The following PKHD1 variants were observed in gnomAD, a reference collection of about 807,000 sequenced individuals.
The protein encoded by PKHD1 is PKHD1 ciliary IPT domain containing fibrocystin/polyductin, also known as fibrocystin.
Under a neutral mutation model 412.0 loss-of-function variants are expected in PKHD1, and 291 were observed. The ratio of observed to expected loss-of-function variants is 0.71; its 90% confidence interval spans 0.64 to 0.78. The LOEUF (loss-of-function observed/expected upper bound fraction) is 0.78. Ranked by LOEUF, PKHD1 falls within the 30% of genes least tolerant of loss-of-function variation. The probability of loss-of-function intolerance (pLI) is 0.00; values close to 1 mark genes in which losing one functional copy is unlikely to be tolerated. For synonymous variants in PKHD1, 1,777 were observed against 1,821.5 expected (o/e 0.98, Z 0.62); for missense variants, 4,825 against 4,950.7 (o/e 0.97, Z 0.76).
rs776975358 is a variant in PKHD1, at chr6:51,659,769, A to C, written c.10357T>G (p.Ser3453Ala). ...GAATAGAAAGTAGACACTGACCCAG[A>C]AGTAGAGCAGGGAATATTGGCATTT... ...SVNANIPCST[S>A]GSVSTFYSIL... is the part of the protein sequence containing the mutation. Residue 3453 changes from serine (S) to alanine (A), a missense_variant, in exon 61 of 67, where the codon TCT becomes GCT. Transcript: ENST00000371117. 6.2e-7 allele frequency: 1 copy of C among 1,613,638 alleles called. No homozygotes were observed. The highest frequency in any genetic ancestry group is 1.3e-5 in the African/African-American group (1 of 75,024).
intron 48 of PKHD1, among the ~76,000 whole-genome samples, chr6:51,864,429 G>A (rs151328691): frequency 7.2e-4 from 109 of 152,282 alleles, no homozygotes; most frequent in African/African-American, 2.3e-3. Flanking sequence ...TGGTAGCCCA[G>A]ACTGGAGAAG....
At chr6:51,934,407 C>T in intron 36 of PKHD1, 85 bp from the exon 37 acceptor site, 1 of 825,186 alleles carries the variant, frequency 1.2e-6, no homozygotes, top group Non-Finnish European at 2.1e-6. Flanking sequence ...AAATCCCCTT[C>T]ATTTAAATAC....
intron 43 of PKHD1, among the ~76,000 whole-genome samples, chr6:51,892,589 G>C (rs1779283246): frequency 1.3e-5 from 2 of 152,138 alleles, no homozygotes; most frequent in Non-Finnish European, 2.9e-5. Flanking sequence ...GTCTACACTA[G>C]AGTCACATAT....
chr6:51,745,904 C>A (rs1346282564), intron 59 of PKHD1, among the ~76,000 whole-genome samples: 1 of 152,078 alleles, frequency 6.6e-6, no homozygotes, highest in Non-Finnish European at 1.5e-5. Flanking sequence ...TGTTTAGGTA[C>A]CTAATCATGA....
chr6:51,703,294 A>G (rs979187891), intron 60 of PKHD1, among the ~76,000 whole-genome samples: 2 of 152,020 alleles, frequency 1.3e-5, no homozygotes, highest in African/African-American at 4.8e-5. Context: ...ATATATTAAT[A>G]GCTTTATAGT....
chr6:52,050,635 T>C (rs1257853349), intron 21 of PKHD1, among the ~76,000 whole-genome samples: 1 of 152,194 alleles, frequency 6.6e-6, no homozygotes, highest in Non-Finnish European at 1.5e-5. Flanking sequence ...CACCCTTTCC[T>C]CCTTTCCTTC....
chr6:51,802,337 A>G (rs1763059631), intron 52 of PKHD1, among the ~76,000 whole-genome samples: 2 of 151,726 alleles, frequency 1.3e-5, no homozygotes, highest in South Asian at 2.1e-4. Context: ...TTTAGGTCTG[A>G]TGTTAAACTA....
chr6:51,976,568 G>A (rs1048668287), intron 35 of PKHD1, among the ~76,000 whole-genome samples: 44 of 152,278 alleles, frequency 2.9e-4, no homozygotes, highest in African/African-American at 8.2e-4. Context: ...TGCTCGTGAC[G>A]GTTACGCAAC....
At chr6:51,946,599 C>A (rs1033919661) in intron 36 of PKHD1, among the ~76,000 whole-genome samples, 2 of 152,184 alleles carry the variant, frequency 1.3e-5, no homozygotes, top group African/African-American at 4.8e-5. Context: ...TTTCTAAATG[C>A]TGAAATAAAG....
At chr6:52,051,954 A>C (rs1806920209) in intron 21 of PKHD1, among the ~76,000 whole-genome samples, 1 of 152,170 alleles carries the variant, frequency 6.6e-6, no homozygotes, top group South Asian at 2.1e-4. Flanking sequence ...AGATGTCCCC[A>C]AAACACTTAA....
At chr6:51,834,540 TAACTC>T (rs1171569565) in intron 51 of PKHD1, among the ~76,000 whole-genome samples, 7 of 152,130 alleles carry the variant, frequency 4.6e-5, no homozygotes, top group Non-Finnish European at 7.4e-5. Flanking sequence ...ATAGATGTGT[TAACTC>T]ATTCATTCAT....
At chr6:51,660,279 C>T (rs1353796120) in intron 60 of PKHD1, among the ~76,000 whole-genome samples, 1 of 151,914 alleles carries the variant, frequency 6.6e-6, no homozygotes, top group African/African-American at 2.4e-5. Context: ...ATTAAGGGCC[C>T]TTGAGAGAAA....
At chr6:51,627,489 T>G (rs1767404959) in intron 65 of PKHD1, among the ~76,000 whole-genome samples, 2 of 151,922 alleles carry the variant, frequency 1.3e-5, no homozygotes, top group Non-Finnish European at 2.9e-5. Context: ...TATATTATGT[T>G]AAATGGCTAC....
chr6:51,731,533 C>G (rs976168629), intron 60 of PKHD1, among the ~76,000 whole-genome samples: 1 of 152,104 alleles, frequency 6.6e-6, no homozygotes, highest in Non-Finnish European at 1.5e-5. Context: ...TCTAGACAAG[C>G]TTTGTTTTTT....
At chr6:52,052,372 G>T (rs763756513) in intron 21 of PKHD1, among the ~76,000 whole-genome samples, 1 of 152,214 alleles carries the variant, frequency 6.6e-6, no homozygotes, top group Admixed American at 6.5e-5. Context: ...CAAGAGCCAG[G>T]TGAGACCACT....
chr6:51,975,967 A>AG (rs1562030806), intron 35 of PKHD1: 1 of 141,184 alleles, frequency 7.1e-6, no homozygotes, highest in Non-Finnish European at 1.5e-5. Context: ...TCTAATTAAA[A>AG]AAAAAAAAAA....
At position 52,042,208 on chromosome 6, in the gene PKHD1, GA is replaced by G. The variant is rs1252604508; in HGVS notation, c.3097+650del. Among the ~76,000 whole-genome samples the G allele has an allele frequency of 2.0e-5, 3 of 152,166 alleles. No homozygotes were observed. In the East Asian group the frequency reaches 5.8e-4, roughly 29 times the overall value. On this transcript the variant is annotated intron_variant, in intron 27 of 66. Transcript: ENST00000371117. The stretch of plus-strand genomic sequence containing the variant: ...CACTCTTCTAGGCAAAATAGGGTCA[GA>G]AAAAAATCTGTTCTTTTGAACAATG...
chr6:51,718,286 G>T lies in PKHD1; in HGVS notation c.10156+26099C>A, dbSNP rs1199050174. On this transcript the variant is annotated intron_variant, in intron 60 of 66. Transcript: ENST00000371117. ...CAAGCCAGTCTTACTTTCTCTCTCT[G>T]ACTGCTCTTTCACTGTGTCCAATTT... Among the ~76,000 whole-genome samples the T allele has an allele frequency of 2.0e-5, 3 of 152,116 alleles. No individual in the cohort carries two copies. In the East Asian group the frequency reaches 5.8e-4, roughly 29 times the overall value.
rs398124477 is a variant in PKHD1, at chr6:52,055,730, C to A, written c.1694-1G>T. Reference sequence around the variant, plus strand: ...CCATCAGAGTTGGAAACTTCTGGGCCTGGATGCAGTTCAGATAAAATAGAA... The same window carrying A: ...CCATCAGAGTTGGAAACTTCTGGGCATGGATGCAGTTCAGATAAAATAGAA... On this transcript the variant is annotated splice_acceptor_variant, in intron 18 of 66. Coordinates refer to ENST00000371117, the MANE Select transcript of PKHD1 (RefSeq NM_138694.4). LOFTEE classifies it high-confidence loss of function. The A allele has an allele frequency of 6.2e-7, 1 of 1,613,692 alleles. No individual in the cohort carries two copies. The highest frequency in any genetic ancestry group is 8.5e-7 in the Non-Finnish European group (1 of 1,179,820).
Sources: gnomAD v4.1 joint callset for allele counts (sites outside exome capture counted in the v4.1 genomes callset) on GRCh38, gnomAD v4.1.1 for gene constraint, MANE v1.5 for transcripts, NCBI Gene and HGNC (gene_info 2026-07-23, HGNC 2026-07-21) for gene names.